The following RIPOR3 variants were observed in gnomAD, a reference collection of about 807,000 sequenced individuals.
RIPOR3 encodes the protein family with sequence similarity 65 member C.
A neutral mutation model predicts 114.3 loss-of-function variants in RIPOR3; 95 were observed. The observed-to-expected ratio is 0.83, with a 90% CI of 0.70 to 0.99. RIPOR3 has a LOEUF of 0.99. Ranked by LOEUF, RIPOR3 falls within the 50% of genes least tolerant of loss-of-function variation. RIPOR3 has a pLI of 0.00. For missense variants in RIPOR3, 1,252 were observed against 1,266.9 expected (o/e 0.99, Z 0.18); for synonymous variants, 575 against 543.8 (o/e 1.06, Z -0.80).
intron 2 of RIPOR3, among the ~76,000 whole-genome samples, chr20:50,621,494 C>T (rs767055630): frequency 1.6e-4 from 24 of 152,298 alleles, no homozygotes; most frequent in Non-Finnish European, 2.5e-4. Context: ...TCCAGGCCTG[C>T]GTTAGTCAAC....
chr20:50,664,165 G>A (rs1428758744), intron 1 of RIPOR3, among the ~76,000 whole-genome samples: 1 of 152,196 alleles, frequency 6.6e-6, no homozygotes, highest in Non-Finnish European at 1.5e-5. Flanking sequence ...GGCTTCAGGT[G>A]ATCCACCTGC....
intron 1 of RIPOR3, chr20:50,645,904 G>C (rs971967952): frequency 6.6e-6 from 1 of 152,236 alleles, no homozygotes; most frequent in Non-Finnish European, 1.5e-5. Context: ...ATTTACAAGA[G>C]ACACATCAAG....
intron 19 of RIPOR3, 41 bp downstream of exon 19, chr20:50,592,303 C>T (rs377369968): frequency 5.3e-6 from 8 of 1,500,652 alleles, no homozygotes; most frequent in Non-Finnish European, 7.2e-6. Flanking sequence ...TATGCCCACA[C>T]ATCTGTGGCC....
At chr20:50,637,663 T>C (rs1390801306) in intron 1 of RIPOR3, among the ~76,000 whole-genome samples, 1 of 152,026 alleles carries the variant, frequency 6.6e-6, no homozygotes, top group Non-Finnish European at 1.5e-5. Context: ...TCACCTGAGG[T>C]CAGGAGTTCA....
At chr20:50,603,721 G>A (rs1023467688) in intron 12 of RIPOR3, among the ~76,000 whole-genome samples, 4 of 152,206 alleles carry the variant, frequency 2.6e-5, no homozygotes, top group Admixed American at 6.5e-5. Flanking sequence ...TAGGCCACAC[G>A]GGTGGTGAGT....
At chr20:50,649,667 TC>T (rs2085533220) in intron 1 of RIPOR3, among the ~76,000 whole-genome samples, 1 of 152,150 alleles carries the variant, frequency 6.6e-6, no homozygotes, top group South Asian at 2.1e-4. Flanking sequence ...TTATTGCTTT[TC>T]CTGCTTAATG....
At position 50,602,617 on chromosome 20, in the gene RIPOR3, C is replaced by T. The variant is rs201575833; in HGVS notation, c.1114G>A (p.Ala372Thr). The T allele has an allele frequency of 6.6e-6, 10 of 1,507,318 alleles. No homozygotes were observed. The Admixed American group carries it at 1.8e-4, about 28-fold the overall frequency. 93.4% of individuals were successfully genotyped at this position (1,507,318 alleles called of 1,614,324 possible). A position where few individuals can be genotyped will look rare whatever the true frequency, so the allele number is the denominator to read the frequency against. Residue 372 changes from alanine (A) to threonine (T), a missense_variant, in exon 13 of 22, where the codon GCC becomes ACC. Transcript: ENST00000327979. The surrounding 1 kb of genome is among the most constrained non-coding windows in gnomAD (Gnocchi z 4.3). ...GCCCTTGGGCCACCCAGCAGCAAGG[C>T]CTGCTGTGTTGGCTGCTGTAGGACA... Reference protein sequence around the residue: ...LSVLQQPTQQALLLGGPRATS... With the variant: ...LSVLQQPTQQTLLLGGPRATS...
Position 50,680,809 on chromosome 20 carries a change from AC to A in RIPOR3, c.3+10316del, listed in dbSNP as rs150117302. On this transcript the variant is annotated intron_variant, in intron 1 of 21. Coordinates refer to ENST00000327979, the MANE Select transcript of RIPOR3 (RefSeq NM_001290268.2). The stretch of plus-strand genomic sequence containing the variant: ...TTGTTGGGTCGGGGGGTGGGAGGGC[AC>A]CCTGATTTGCAGGTACAAGTGTGAG... 9.7e-4 allele frequency among the ~76,000 whole-genome samples: 147 copies of A among 152,262 alleles called. 2 individuals carry two copies. The East Asian group carries it at 0.023, about 24-fold the overall frequency.
At chr20:50,640,413 G>A (rs868800135) in intron 1 of RIPOR3, among the ~76,000 whole-genome samples, 6 of 148,344 alleles carry the variant, frequency 4.0e-5, no homozygotes, top group Non-Finnish European at 8.9e-5. Context: ...AGGGAGGAGA[G>A]ACCGGGTGAA....
intron 1 of RIPOR3, among the ~76,000 whole-genome samples, chr20:50,635,769 G>A (rs113564522): frequency 6.6e-6 from 1 of 152,248 alleles, no homozygotes; most frequent in Admixed American, 6.5e-5. Flanking sequence ...GGAAATGCCA[G>A]AGCTGAAACT....
At chr20:50,638,388 C>T (rs1282069712) in intron 1 of RIPOR3, among the ~76,000 whole-genome samples, 1 of 152,228 alleles carries the variant, frequency 6.6e-6, no homozygotes, top group African/African-American at 2.4e-5. Context: ...TTCCCTCTGT[C>T]TATCAGTCTG....
Position 50,689,990 on chromosome 20 carries a change from G to A in RIPOR3, c.3+1136C>T, listed in dbSNP as rs192907582. Among the ~76,000 whole-genome samples the A allele has an allele frequency of 2.0e-5, 3 of 152,350 alleles. No homozygotes were observed. The East Asian group carries it at 5.8e-4, about 29-fold the overall frequency. Reference sequence around the variant, plus strand: ...GCTGTGTGTTTCCTGGCCCTTGAGTGTAACCTGCACCCTCCCTTTCCGTGC... The same window carrying A: ...GCTGTGTGTTTCCTGGCCCTTGAGTATAACCTGCACCCTCCCTTTCCGTGC... On this transcript the variant is annotated intron_variant, in intron 1 of 21. Coordinates refer to ENST00000327979, the MANE Select transcript of RIPOR3 (RefSeq NM_001290268.2).
intron 1 of RIPOR3, among the ~76,000 whole-genome samples, chr20:50,680,920 G>C (rs949095430): frequency 6.6e-6 from 1 of 152,270 alleles, no homozygotes; most frequent in East Asian, 1.9e-4. Flanking sequence ...TCAAGAAGGG[G>C]CATATGACCT....
intron 2 of RIPOR3, chr20:50,621,089 T>C: frequency 2.9e-6 from 1 of 348,510 alleles, no homozygotes; most frequent in East Asian, 8.9e-5. Context: ...CCCCCTCCCC[T>C]GCCCTCTCCC....
Position 50,619,986 on chromosome 20 carries a change from T to C in RIPOR3, c.269A>G (p.Lys90Arg). 1 of 1,611,642 alleles carries C rather than the reference T, an allele frequency of 6.2e-7. No individual in the cohort carries two copies. Among genetic ancestry groups the C allele is most frequent in the Middle Eastern group, 1.7e-4 (1 of 6,052 alleles). ...AAGGCAGCACACAGCCCAGCCTTAC[T>C]TGAGGCCTCTTTTCAATGCTTCGAA... Reference protein sequence around the residue: ...KIFEALKRGLKEYLCVQQAEL... With the variant: ...KIFEALKRGLREYLCVQQAEL... Residue 90 changes from lysine (K) to arginine (R), a missense_variant and splice_region_variant, in exon 3 of 22, where the codon AAG becomes AGG. Lys to Arg is a conservative substitution (Grantham distance 26, BLOSUM62 2). Coordinates refer to ENST00000327979, the MANE Select transcript of RIPOR3 (RefSeq NM_001290268.2).
At chr20:50,650,631 A>G (rs2085568013) in intron 1 of RIPOR3, among the ~76,000 whole-genome samples, 1 of 152,168 alleles carries the variant, frequency 6.6e-6, no homozygotes, top group Non-Finnish European at 1.5e-5. Context: ...GAGTGACCCA[A>G]ACATTCAGTC....
chr20:50,628,893 G>A (rs1445532853), intron 2 of RIPOR3, among the ~76,000 whole-genome samples: 1 of 152,218 alleles, frequency 6.6e-6, no homozygotes, highest in Non-Finnish European at 1.5e-5. Context: ...TGGGAGGGCT[G>A]ACCTCAGGGG....
intron 1 of RIPOR3, among the ~76,000 whole-genome samples, chr20:50,642,456 GTT>G (rs2085238849): frequency 6.6e-6 from 1 of 151,710 alleles, no homozygotes; most frequent in Non-Finnish European, 1.5e-5. Flanking sequence ...TTCCTTCTGT[GTT>G]TTACAATTTG....
chr20:50,623,405 G>A (rs1465302218), intron 2 of RIPOR3, among the ~76,000 whole-genome samples: 1 of 152,166 alleles, frequency 6.6e-6, no homozygotes, highest in Non-Finnish European at 1.5e-5. Context: ...GATAGCGAGT[G>A]CACCCCTGGG....
Sources: allele counts gnomAD v4.1 joint callset (sites outside exome capture counted in the v4.1 genomes callset), GRCh38; gene constraint gnomAD v4.1.1; non-coding constraint Gnocchi (gnomAD v3.1); transcripts MANE v1.5; gene names NCBI Gene and HGNC (gene_info 2026-07-23, HGNC 2026-07-21).